Variants in P3H1 observed in about 807,000 individuals in gnomAD.
The protein encoded by P3H1 is prolyl 3-hydroxylase 1, also known as growth suppressor 1.
In P3H1, 69 loss-of-function variants were observed where a neutral mutation model predicts 84.0. The observed-to-expected ratio is 0.82, with a 90% CI of 0.68 to 1.00. P3H1 has a LOEUF of 1.00. P3H1 is among the 50% of genes least tolerant of loss of function. The pLI is 0.00. For synonymous variants in P3H1, 366 were observed against 388.8 expected, an observed-to-expected ratio of 0.94 and a Z score of 0.69; for missense variants, 878 against 962.8, an observed-to-expected ratio of 0.91 and a Z score of 1.17.
At position 42,766,603 on chromosome 1, in the gene P3H1, G is replaced by A. The variant is rs771834254; in HGVS notation, c.369C>T (p.Cys123=). Reference sequence around the variant, plus strand: ...GCGAGTGGGCGGCCGGCGGCCCGAGGCAGCGGCGCAGGCAGGCAGCGCGAC... The same window carrying A: ...GCGAGTGGGCGGCCGGCGGCCCGAGACAGCGGCGCAGGCAGGCAGCGCGAC... ...LLRRAACLRR[C]LGPPAAHSLS... is the part of the protein sequence containing the mutation. The change falls in exon 1 of 15, where the codon TGC becomes TGT. Residue 123 remains cysteine, a synonymous_variant. Coordinates refer to ENST00000296388, the MANE Select transcript of P3H1 (RefSeq NM_022356.4). 11 of 1,608,570 alleles carry A rather than the reference G, an allele frequency of 6.8e-6. No homozygotes were observed. Among genetic ancestry groups the A allele is most frequent in the Non-Finnish European group, 6.8e-6 (8 of 1,178,048 alleles).
chr1:42,759,737 T>G (rs1214804679), intron 2 of P3H1, among the ~76,000 whole-genome samples: 1 of 150,672 alleles, frequency 6.6e-6, no homozygotes, highest in Non-Finnish European at 1.5e-5. Context: ...GGGATTACAT[T>G]GTGCCCAGCT....
intron 7 of P3H1, 53 bp from the exon 8 acceptor site, chr1:42,755,043 A>G (rs1652316462): frequency 1.9e-6 from 3 of 1,613,712 alleles, no homozygotes; most frequent in Non-Finnish European, 2.5e-6. Flanking sequence ...CCTGGGCTCC[A>G]CCCCGACTTC....
intron 11 of P3H1, among the ~76,000 whole-genome samples, chr1:42,749,749 C>G (rs1171667851): frequency 4.2e-5 from 5 of 117,662 alleles, no homozygotes; most frequent in Admixed American, 8.9e-5. Context: ...CTCTGGGAAG[C>G]CTTCTTTTTG....
At position 42,754,320 on chromosome 1, in the gene P3H1, T is replaced by C. The variant is rs1557567860; in HGVS notation, c.1345+549A>G. ...CACTGCAGAGCAGAGCCACAATCAG[T>C]AGGCCTTCCCAGCAGCTTGCAGAAA... On this transcript the variant is annotated intron_variant, in intron 8 of 14. Coordinates refer to ENST00000296388, the MANE Select transcript of P3H1 (RefSeq NM_022356.4). This position sits in a 1 kb window ranked among gnomAD's most constrained non-coding sequence, Gnocchi z 4.0. Among the ~76,000 whole-genome samples, 1 of 152,044 alleles carries C rather than the reference T, an allele frequency of 6.6e-6. No homozygotes were observed. Among genetic ancestry groups the C allele is most frequent in the Non-Finnish European group, 1.5e-5 (1 of 68,004 alleles).
Position 42,763,672 on chromosome 1 carries a change from C to CAA in P3H1, c.466-1199_466-1198dup, listed in dbSNP as rs766034061. ...GGGTGACAGAGCGAGACTCTTGTCTCAAAAAAAAAAAAAAAAAAAAAAAAA... is the reference window on the plus strand; with the variant it reads ...GGGTGACAGAGCGAGACTCTTGTCTCAAAAAAAAAAAAAAAAAAAAAAAAAAA... On this transcript the variant is annotated intron_variant, in intron 1 of 14. Coordinates refer to ENST00000296388, the MANE Select transcript of P3H1 (RefSeq NM_022356.4). Among the ~76,000 whole-genome samples, 161 of 41,534 alleles carry CAA rather than the reference C, an allele frequency of 3.9e-3. 5 individuals are homozygous for CAA. Among genetic ancestry groups the CAA allele is most frequent in the Non-Finnish European group, 4.9e-3 (124 of 25,282 alleles). The allele number at this position is 41,534 out of a possible 152,430, so 27.2% of individuals were successfully genotyped here.
chr1:42,757,248 C>A (rs1051257319), intron 5 of P3H1, among the ~76,000 whole-genome samples: 7 of 152,168 alleles, frequency 4.6e-5, no homozygotes, highest in Non-Finnish European at 1.0e-4. Context: ...GACTCCAGAG[C>A]TCGGAAGAAG....
chr1:42,752,576 G>T lies in P3H1; in HGVS notation c.1434C>A (p.Ile478=), dbSNP rs144981408. The change falls in exon 9 of 15, where the codon ATC becomes ATA. Residue 478 remains isoleucine (I), a synonymous_variant. Coordinates refer to ENST00000296388, the MANE Select transcript of P3H1 (RefSeq NM_022356.4). The part of the protein sequence containing the change: ...GSQRVVMDGV[I]SDHECQELQR... The stretch of plus-strand genomic sequence containing the variant: ...GCAGCTCCTGACACTCGTGGTCAGA[G>T]ATTACGCCGTCCATCACCACCCGCT... 1 of 1,614,168 alleles carries T rather than the reference G, an allele frequency of 6.2e-7. No individual in the cohort carries two copies. Among genetic ancestry groups the T allele is most frequent in the Non-Finnish European group, 8.5e-7 (1 of 1,180,020 alleles).
chr1:42,747,539 A>C, intron 13 of P3H1, 127 bp from the exon 14 acceptor site: 1 of 1,131,210 alleles, frequency 8.8e-7, no homozygotes, highest in Non-Finnish European at 1.3e-6. Context: ...CTAAGACCAG[A>C]ACTAAAGAGA....
chr1:42,759,687 G>A (rs1237000554), intron 2 of P3H1, among the ~76,000 whole-genome samples: 2 of 152,050 alleles, frequency 1.3e-5, no homozygotes, highest in African/African-American at 4.8e-5. Context: ...TCCACCTCCT[G>A]GGTTCAAGTG....
rs148636462 is a variant in P3H1 at position 42,754,982 on chromosome 1, C to T, written c.1232G>A (p.Arg411Gln). 43 of 1,614,054 alleles carry T rather than the reference C, an allele frequency of 2.7e-5. No individual in the cohort carries two copies. In the African/African-American group the frequency reaches 3.9e-4, roughly 15 times the overall value. Reference sequence around the variant, plus strand: ...CTGGGAGATGCGTACGGCTGTTTCCCGTTCTGACCTATGAGCACAGCCGCT... The same window carrying T: ...CTGGGAGATGCGTACGGCTGTTTCCTGTTCTGACCTATGAGCACAGCCGCT... ...KRLQEKQKSE[R>Q]ETAVRISQEI... The change falls in exon 8 of 15, where the codon CGG becomes CAG. Residue 411 changes from arginine to glutamine, a missense_variant. Arg to Gln is a conservative substitution (Grantham distance 43). Transcript: ENST00000296388. The surrounding 1 kb of genome is among the most constrained non-coding windows in gnomAD (Gnocchi z 4.0).
At chr1:42,749,518 C>T (rs1198493752) in intron 11 of P3H1, among the ~76,000 whole-genome samples, 1 of 152,252 alleles carries the variant, frequency 6.6e-6, no homozygotes, top group Non-Finnish European at 1.5e-5. Flanking sequence ...GAAGCTCTCT[C>T]ACAAATTTGG....
At chr1:42,765,138 T>C (rs1652921179) in intron 1 of P3H1, among the ~76,000 whole-genome samples, 1 of 152,234 alleles carries the variant, frequency 6.6e-6, no homozygotes, top group South Asian at 2.1e-4. Flanking sequence ...CTGACTTTTC[T>C]AGCCGCCTCT....
chr1:42,752,212 C>T, intron 10 of P3H1, 62 bp downstream of exon 10: 1 of 1,390,440 alleles, frequency 7.2e-7, no homozygotes, highest in Non-Finnish European at 1.0e-6. Context: ...TTCCTCAAAG[C>T]CTGAGCTTCC....
intron 12 of P3H1, 66 bp from the exon 13 acceptor site, chr1:42,747,864 C>T: frequency 6.8e-7 from 1 of 1,475,686 alleles, no homozygotes; most frequent in Non-Finnish European, 9.5e-7. Context: ...GCCTTCACCT[C>T]CAGGTGCTCT....
Position 42,754,539 on chromosome 1 carries a change from G to C in P3H1, c.1345+330C>G, listed in dbSNP as rs146240785. ...TCTCATTTCTTTCTTTTTTTTTAAA[G>C]ATGAGGTCTTGCTATATTGCCCAGG... On this transcript the variant is annotated intron_variant, in intron 8 of 14. Coordinates refer to ENST00000296388, the MANE Select transcript of P3H1 (RefSeq NM_022356.4). The surrounding 1 kb of genome is among the most constrained non-coding windows in gnomAD (Gnocchi z 4.0). Among the ~76,000 whole-genome samples, 1 of 152,082 alleles carries C rather than the reference G, an allele frequency of 6.6e-6. No homozygotes were observed. Among genetic ancestry groups the C allele is most frequent in the Admixed American group, 6.5e-5 (1 of 15,292 alleles).
intron 8 of P3H1, among the ~76,000 whole-genome samples, chr1:42,753,926 CAAA>C (rs746934383): frequency 1.6e-5 from 2 of 124,456 alleles, no homozygotes; most frequent in Admixed American, 8.2e-5. Context: ...ACTCCATCTC[CAAA>C]AAAAAAAAAA....
intron 10 of P3H1, among the ~76,000 whole-genome samples, chr1:42,750,692 G>A (rs1325788991): frequency 2.9e-5 from 4 of 137,790 alleles, no homozygotes; most frequent in Non-Finnish European, 6.4e-5. Context: ...GGAGGGAGGT[G>A]GGGGGGTCAG....
rs4660662 is a variant in P3H1, at chr1:42,746,760, G to C, written c.2148C>G (p.Gly716=). 1.3e-6 allele frequency: 2 copies of C among 1,556,380 alleles called. No homozygotes were observed. The highest frequency in any genetic ancestry group is 2.0e-5 in the Admixed American group (1 of 51,272). Residue 716 remains glycine (G), a synonymous_variant, in exon 15 of 15, where the codon GGC becomes GGG. Coordinates refer to ENST00000296388, the MANE Select transcript of P3H1 (RefSeq NM_022356.4). ...SQEQPLDAQQ[G]PPEPAQESLS... Reference sequence around the variant, plus strand: ...GAGACTCTTGTGCAGGTTCGGGGGGGCCCTGCTGGGCATCCAGGGGCTGCT... The same window carrying C: ...GAGACTCTTGTGCAGGTTCGGGGGGCCCCTGCTGGGCATCCAGGGGCTGCT...
intron 8 of P3H1, 136 bp from the exon 9 acceptor site, chr1:42,752,800 T>A: frequency 9.0e-7 from 1 of 1,110,520 alleles, no homozygotes; most frequent in South Asian, 1.4e-5. Context: ...CGCTAGGTCA[T>A]TTTCAAAGGT....
Sources: gnomAD v4.1 joint callset for allele counts (sites outside exome capture counted in the v4.1 genomes callset) on GRCh38, gnomAD v4.1.1 for gene constraint, Gnocchi (gnomAD v3.1) non-coding constraint, MANE v1.5 for transcripts, NCBI Gene and HGNC (gene_info 2026-07-23, HGNC 2026-07-21) for gene names.